The following ZNF496 variants were observed in gnomAD, a reference collection of about 807,000 sequenced individuals.
ZNF496 encodes the protein zinc finger protein 496.
In ZNF496, 11 loss-of-function variants were observed where a neutral mutation model predicts 58.9. The observed-to-expected ratio is 0.19, with a 90% CI of 0.12 to 0.31. The LOEUF (loss-of-function observed/expected upper bound fraction) is 0.31. ZNF496 is among the 10% of genes least tolerant of loss of function. The pLI is 1.00. For synonymous variants in ZNF496, 338 were observed against 318.2 expected, an observed-to-expected ratio of 1.06 and a Z score of -0.66; for missense variants, 660 against 783.0, an observed-to-expected ratio of 0.84 and a Z score of 1.88.
In ZNF496 at chr1:247,329,788, G is replaced by A. The variant is rs866966384; in HGVS notation, c.-37-173C>T. ...CTTTACACACAGGATGAAACAGACA[G>A]AAAGATGCCCTCCCCCCATCAGTAC... is the stretch of plus-strand genomic sequence containing the variant. On this transcript the variant is annotated intron_variant, in intron 3 of 9. Coordinates refer to ENST00000682384, the MANE Select transcript of ZNF496 (RefSeq NM_032752.3). This position sits in a 1 kb window ranked among gnomAD's most constrained non-coding sequence, Gnocchi z 5.5. Among the ~76,000 whole-genome samples the A allele has an allele frequency of 4.6e-5, 7 of 152,156 alleles. No individual in the cohort carries two copies. The highest frequency in any genetic ancestry group is 1.7e-4 in the African/African-American group (7 of 41,434).
In ZNF496 at chr1:247,300,629, G is replaced by C; in HGVS notation, c.1654C>G (p.Pro552Ala). The change falls in exon 10 of 10, where the codon CCC (proline) becomes GCC (alanine). Residue 552 changes from proline (P) to alanine (A), a missense_variant. Pro to Ala is a conservative substitution (Grantham distance 27, BLOSUM62 -1). Transcript: ENST00000682384. The surrounding 1 kb of genome is among the most constrained non-coding windows in gnomAD (Gnocchi z 5.7). ...TTGACGCAGTACCGGCACTGGAAGG[G>C]CCGGGCTTTGTCCTTCAGGTGAAAG... ...SHFHLKDKAR[P>A]FQCRYCVKSF... The C allele has an allele frequency of 6.2e-7, 1 of 1,614,186 alleles. No homozygotes were observed. The highest frequency in any genetic ancestry group is 8.5e-7 in the Non-Finnish European group (1 of 1,180,040).
At chr1:247,316,030 G>T (rs1659754611) in intron 6 of ZNF496, among the ~76,000 whole-genome samples, 3 of 150,026 alleles carry the variant, frequency 2.0e-5, no homozygotes, top group Admixed American at 6.7e-5. Flanking sequence ...GGACCTGTGG[G>T]AGTCAACTTG....
At position 247,309,524 on chromosome 1, in the gene ZNF496, C is replaced by T; in HGVS notation, c.892+175G>A. The stretch of plus-strand genomic sequence containing the variant: ...AATGCCTGGCAAAATTAAGATCCTC[C>T]ATTCTTTCTATGAAAAGTCAGGGAC... On this transcript the variant is annotated intron_variant, in intron 8 of 9. Coordinates refer to ENST00000682384, the MANE Select transcript of ZNF496 (RefSeq NM_032752.3). The surrounding 1 kb of genome is among the most constrained non-coding windows in gnomAD (Gnocchi z 4.3). 1 of 1,418,578 alleles carries T rather than the reference C, an allele frequency of 7.0e-7. No individual in the cohort carries two copies. Among genetic ancestry groups the T allele is most frequent in the Non-Finnish European group, 9.2e-7 (1 of 1,090,534 alleles). 87.9% of individuals were successfully genotyped at this position (1,418,578 alleles called of 1,614,324 possible). A position where few individuals can be genotyped will look rare whatever the true frequency, so the allele number is the denominator to read the frequency against.
chr1:247,315,825 C>T (rs1005676975), intron 6 of ZNF496, among the ~76,000 whole-genome samples: 5 of 152,142 alleles, frequency 3.3e-5, no homozygotes, highest in African/African-American at 1.2e-4. Flanking sequence ...GGACTCTTGC[C>T]TGTACATATG....
chr1:247,316,548 G>A (rs562621884), intron 6 of ZNF496, among the ~76,000 whole-genome samples: 7 of 152,172 alleles, frequency 4.6e-5, no homozygotes, highest in African/African-American at 1.7e-4. Context: ...CACCCACCTC[G>A]GGACACCACA....
In ZNF496 at chr1:247,329,512, T is replaced by G. The variant is rs1438155979; in HGVS notation, c.67A>C (p.Ser23Arg). ...GGGCTAGGGTTCTCTCCAGGTGGGC[T>G]CCTCATTTTCCTGGGCTCCTCACTT... ...KESEEPRKMR[S>R]PPGENPSPQG... The change falls in exon 4 of 10, where the codon AGC (serine) becomes CGC (arginine). Residue 23 changes from serine (S) to arginine (R), a missense_variant. By Grantham distance (110) the Ser-to-Arg change is moderately radical. Transcript: ENST00000682384. This position sits in a 1 kb window ranked among gnomAD's most constrained non-coding sequence, Gnocchi z 5.5. The G allele has an allele frequency of 3.2e-6, 5 of 1,584,688 alleles. No individual in the cohort carries two copies. The African/African-American group carries it at 6.9e-5, about 22-fold the overall frequency.
intron 6 of ZNF496, chr1:247,313,889 TGATG>T (rs1348510621): frequency 6.6e-6 from 1 of 152,208 alleles, no homozygotes; most frequent in Non-Finnish European, 1.5e-5. Context: ...CACCTGTGCA[TGATG>T]GAATCCGGAT....
In ZNF496 at chr1:247,309,513, T is replaced by C. The variant is rs1659523690; in HGVS notation, c.892+186A>G. ...AGTACAATTCCAATGCCTGGCAAAA[T>C]TAAGATCCTCCATTCTTTCTATGAA... On this transcript the variant is annotated intron_variant, in intron 8 of 9. Coordinates refer to ENST00000682384, the MANE Select transcript of ZNF496 (RefSeq NM_032752.3). This position sits in a 1 kb window ranked among gnomAD's most constrained non-coding sequence, Gnocchi z 4.3. 5 of 1,413,262 alleles carry C rather than the reference T, an allele frequency of 3.5e-6. No individual in the cohort carries two copies. The Admixed American group carries it at 1.2e-4, about 33-fold the overall frequency. The allele number at this position is 1,413,262 out of a possible 1,614,324, so 87.5% of individuals were successfully genotyped here. A position where few individuals can be genotyped will look rare whatever the true frequency, so the allele number is the denominator to read the frequency against.
chr1:247,322,701 G>A (rs1309991710), intron 6 of ZNF496: 20 of 1,287,760 alleles, frequency 1.6e-5, no homozygotes, highest in Non-Finnish European at 1.8e-5. Flanking sequence ...GACTCACCAC[G>A]TAGATCTGTG....
At chr1:247,327,199 G>A (rs934305071) in intron 5 of ZNF496, among the ~76,000 whole-genome samples, 17 of 152,158 alleles carry the variant, frequency 1.1e-4, no homozygotes, top group Admixed American at 6.6e-4. Context: ...CGAAAAGCTG[G>A]AATTATAGGC....
At position 247,319,409 on chromosome 1, in the gene ZNF496, A is replaced by G. The variant is rs563643881; in HGVS notation, c.651+3745T>C. 3.9e-5 allele frequency among the ~76,000 whole-genome samples: 6 copies of G among 152,362 alleles called. No homozygotes were observed. The East Asian group carries it at 1.2e-3, about 29-fold the overall frequency. ...AAAAGCTATACAAAAATATACATAC[A>G]CTCAACACCACACTAGGTAAATCGA... is the stretch of plus-strand genomic sequence containing the variant. On this transcript the variant is annotated intron_variant, in intron 6 of 9. Coordinates refer to ENST00000682384, the MANE Select transcript of ZNF496 (RefSeq NM_032752.3).
rs780439908 is a variant in ZNF496 at position 247,329,141 on chromosome 1, T to C, written c.390+48A>G. ...GCACATGCATGGCCCAGCCAAAGTG[T>C]CTAAGTACCAGATCTCTACCCGTCC... On this transcript the variant is annotated intron_variant, in intron 4 of 9. Transcript: ENST00000682384. This position sits in a 1 kb window ranked among gnomAD's most constrained non-coding sequence, Gnocchi z 5.5. 3 of 1,612,206 alleles carry C rather than the reference T, an allele frequency of 1.9e-6. No individual in the cohort carries two copies. Among genetic ancestry groups the C allele is most frequent in the South Asian group, 1.1e-5 (1 of 91,052 alleles).
rs1660246795 is a variant in ZNF496 at position 247,329,457 on chromosome 1, G to A, written c.122C>T (p.Ser41Phe). The A allele has an allele frequency of 1.2e-6, 2 of 1,612,184 alleles. No individual in the cohort carries two copies. Among genetic ancestry groups the A allele is most frequent in the African/African-American group, 1.3e-5 (1 of 74,930 alleles). The change falls in exon 4 of 10, where the codon TCT becomes TTT. Residue 41 changes from serine to phenylalanine, a missense_variant. Physicochemically the swap from Ser to Phe is radical, Grantham distance 155. Transcript: ENST00000682384. This position sits in a 1 kb window ranked among gnomAD's most constrained non-coding sequence, Gnocchi z 5.5. Reference sequence around the variant, plus strand: ...GCGGAAACGGCGGAAGAGACGCCGAGAGGACTCGGGGCTGGGAAGCTCCCC... The same window carrying A: ...GCGGAAACGGCGGAAGAGACGCCGAAAGGACTCGGGGCTGGGAAGCTCCCC... Reference protein sequence around the residue: ...PQGELPSPESSRRLFRRFRYQ... With the variant: ...PQGELPSPESFRRLFRRFRYQ...
At chr1:247,306,856 A>G (rs1659432263) in intron 9 of ZNF496, among the ~76,000 whole-genome samples, 1 of 152,152 alleles carries the variant, frequency 6.6e-6, no homozygotes, top group African/African-American at 2.4e-5. Flanking sequence ...ACTCTGGGCA[A>G]GTGACTTCAG....
At position 247,301,177 on chromosome 1, in the gene ZNF496, G is replaced by A. The variant is rs777888227; in HGVS notation, c.1106C>T (p.Pro369Leu). The change falls in exon 10 of 10, where the codon CCG (proline) becomes CTG (leucine). Residue 369 changes from proline to leucine, a missense_variant. Physicochemically the swap from Pro to Leu is moderately conservative, Grantham distance 98. Transcript: ENST00000682384. ...GCTCCCCAGCTCTTCTGTGCAGTACGGGCCATGCTGGGAGTCCTCGTCCCC... is the reference window on the plus strand; with the variant it reads ...GCTCCCCAGCTCTTCTGTGCAGTACAGGCCATGCTGGGAGTCCTCGTCCCC... ...SSGDEDSQHG[P>L]YCTEELGSPT... The A allele has an allele frequency of 1.0e-5, 16 of 1,595,578 alleles. No homozygotes were observed. Among genetic ancestry groups the A allele is most frequent in the Non-Finnish European group, 1.2e-5 (14 of 1,169,080 alleles).
rs1659157820 is a variant in ZNF496, at chr1:247,299,043, G to A, written c.*1476C>T. The A allele has an allele frequency of 6.6e-6, 1 of 152,222 alleles. No individual in the cohort carries two copies. 9.4% of individuals were successfully genotyped at this position (152,222 alleles called of 1,614,324 possible). On this transcript the variant is annotated 3_prime_UTR_variant, in exon 10 of 10. Transcript: ENST00000682384. ...TGAACCCTGCCTTTGATGGAATTGT[G>A]AGCAAGCTCACTCAAGTTTGTATTG... is the stretch of plus-strand genomic sequence containing the variant.
intron 5 of ZNF496, among the ~76,000 whole-genome samples, chr1:247,326,029 T>C (rs114278883): frequency 0.021 from 2,919 of 138,846 alleles, 36 homozygotes; most frequent in Non-Finnish European, 0.032. Flanking sequence ...TATATATATA[T>C]ACACACGCAT....
chr1:247,330,322 C>T (rs926469292), intron 2 of ZNF496, among the ~76,000 whole-genome samples: 2 of 152,194 alleles, frequency 1.3e-5, no homozygotes, highest in South Asian at 4.1e-4. Context: ...TTCCTATGAG[C>T]CTTCTGCCAA....
chr1:247,307,228 A>T, intron 9 of ZNF496: 1 of 985,446 alleles, frequency 1.0e-6, no homozygotes, highest in Non-Finnish European at 1.2e-6. Flanking sequence ...GCCTTTTAGG[A>T]AGGCAAGCTG....
Sources: gnomAD v4.1 joint callset for allele counts (sites outside exome capture counted in the v4.1 genomes callset) on GRCh38, gnomAD v4.1.1 for gene constraint, Gnocchi (gnomAD v3.1) non-coding constraint, MANE v1.5 for transcripts, NCBI Gene and HGNC (gene_info 2026-07-23, HGNC 2026-07-21) for gene names.